The following RAD51C variants were observed in gnomAD, a reference collection of about 807,000 sequenced individuals.
RAD51C encodes RAD51 paralog C.
A neutral mutation model predicts 45.0 loss-of-function variants in RAD51C; 42 were observed. That is an observed-to-expected ratio of 0.93 (90% CI 0.73 to 1.21). The LOEUF is 1.21. RAD51C is among the 50% of genes most tolerant of loss of function. The pLI is 0.00. For synonymous variants in RAD51C, 172 were observed against 159.8 expected (o/e 1.08, Z -0.58); for missense variants, 474 against 452.2 (o/e 1.05, Z -0.44).
intron 1 of RAD51C, chr17:58,693,101 A>G (rs761360740): frequency 1.8e-4 from 64 of 348,872 alleles, no homozygotes; most frequent in Non-Finnish European, 3.1e-4. Flanking sequence ...GAGAGAACTG[A>G]TATCTTGGGG....
chr17:58,720,403 G>A (rs1323749874), intron 5 of RAD51C, among the ~76,000 whole-genome samples: 1 of 148,164 alleles, frequency 6.7e-6, no homozygotes, highest in Non-Finnish European at 1.5e-5. Context: ...GTGACTGAGC[G>A]AGACTCTGTC....
chr17:58,695,383 C>A, intron 2 of RAD51C, 194 bp downstream of exon 2: 1 of 1,344,924 alleles, frequency 7.4e-7, no homozygotes. Context: ...TGCAATTATT[C>A]TGATGTGAAA....
At chr17:58,729,179 G>T (rs1598525428) in intron 7 of RAD51C, among the ~76,000 whole-genome samples, 1 of 152,238 alleles carries the variant, frequency 6.6e-6, no homozygotes, top group Non-Finnish European at 1.5e-5. Flanking sequence ...CATAAAAGTG[G>T]TATTTTTACC....
chr17:58,700,304 TG>T (rs2048168256), intron 3 of RAD51C: 1 of 152,194 alleles, frequency 6.6e-6, no homozygotes, highest in Non-Finnish European at 1.5e-5. Context: ...CCTAAGAGGG[TG>T]GCAGGAAAAG....
intron 5 of RAD51C, 92 bp downstream of exon 5, chr17:58,710,082 C>G: frequency 7.1e-7 from 1 of 1,406,130 alleles, no homozygotes; most frequent in East Asian, 2.3e-5. Flanking sequence ...GTTTGCCTGA[C>G]AAATAATATA....
chr17:58,727,598 TG>T (rs1244013680), intron 7 of RAD51C, among the ~76,000 whole-genome samples: 1 of 152,146 alleles, frequency 6.6e-6, no homozygotes, highest in Non-Finnish European at 1.5e-5. Context: ...TGATAAATAA[TG>T]TACATACTTT....
At chr17:58,720,713 C>A (rs2143929172) in intron 5 of RAD51C, 33 bp from the exon 6 acceptor site, 1 of 1,522,734 alleles carries the variant, frequency 6.6e-7, no homozygotes, top group Non-Finnish European at 9.1e-7. Flanking sequence ...TTCAAAGAGA[C>A]TCACCTAATT....
chr17:58,698,141 A>G (rs1278753701), intron 3 of RAD51C, among the ~76,000 whole-genome samples: 1 of 149,750 alleles, frequency 6.7e-6, no homozygotes, highest in East Asian at 2.0e-4. Flanking sequence ...CCTCCTGAGT[A>G]GCTGGAATTA....
chr17:58,703,225 C>G lies in RAD51C; in HGVS notation c.601C>G (p.Leu201Val), dbSNP rs531838785. The change falls in exon 4 of 9, where the codon CTT (leucine) becomes GTT (valine). Residue 201 changes from leucine to valine, a missense_variant. Leu to Val is a conservative substitution (Grantham distance 32). Transcript: ENST00000337432. ...CCGAAAAGCTTTGGAGGATTTCACT[C>G]TTGATAATATTCTTTCTCATATTTA... ...EHRKALEDFTLDNILSHIYYF... is the reference protein window; with the variant it reads ...EHRKALEDFTVDNILSHIYYF... 4.3e-6 allele frequency: 7 copies of G among 1,610,452 alleles called. No individual in the cohort carries two copies. The highest frequency in any genetic ancestry group is 2.2e-5 in the South Asian group (2 of 90,994).
intron 5 of RAD51C, among the ~76,000 whole-genome samples, chr17:58,712,535 C>A (rs2048594064): frequency 6.6e-6 from 1 of 151,828 alleles, no homozygotes; most frequent in Non-Finnish European, 1.5e-5. Context: ...AAAATGAGGT[C>A]ATAGGCCAGG....
intron 6 of RAD51C, among the ~76,000 whole-genome samples, chr17:58,722,410 A>T (rs1210508397): frequency 6.6e-6 from 1 of 152,184 alleles, no homozygotes; most frequent in Non-Finnish European, 1.5e-5. Context: ...ACATGTGGCT[A>T]TTGAGGCATT....
chr17:58,729,720 C>T (rs147501771), intron 7 of RAD51C, among the ~76,000 whole-genome samples: 95 of 151,742 alleles, frequency 6.3e-4, no homozygotes, highest in African/African-American at 2.2e-3. Context: ...TATAGGCATG[C>T]GCCACCACAC....
chr17:58,727,463 TAAC>T (rs2049211022), intron 7 of RAD51C, among the ~76,000 whole-genome samples: 1 of 152,160 alleles, frequency 6.6e-6, no homozygotes, highest in Admixed American at 6.5e-5. Context: ...TCTTCTATAA[TAAC>T]TGTTTCTAGA....
chr17:58,719,885 C>T (rs901240549), intron 5 of RAD51C, among the ~76,000 whole-genome samples: 5 of 151,224 alleles, frequency 3.3e-5, no homozygotes, highest in African/African-American at 1.2e-4. Context: ...CCCGCCACCA[C>T]GCCCAGCTGA....
chr17:58,717,996 T>C (rs2048796142), intron 5 of RAD51C, among the ~76,000 whole-genome samples: 1 of 152,076 alleles, frequency 6.6e-6, no homozygotes, highest in Non-Finnish European at 1.5e-5. Flanking sequence ...TTTCGCAGTT[T>C]TCTTTTTCTT....
chr17:58,706,558 G>A (rs1473600046), intron 4 of RAD51C: 1 of 462,278 alleles, frequency 2.2e-6, no homozygotes. Context: ...CTCTGCAAGG[G>A]CCCCACCCTC....
At chr17:58,719,779 AG>A (rs959803997) in intron 5 of RAD51C, among the ~76,000 whole-genome samples, 14 of 140,418 alleles carry the variant, frequency 1.0e-4, no homozygotes, top group Non-Finnish European at 2.0e-4. Context: ...CCCAGGCTGG[AG>A]TGCAGTAGCG....
chr17:58,692,595 C>G (rs765425309), upstream of RAD51C: 6 of 1,611,126 alleles, frequency 3.7e-6, no homozygotes, highest in Middle Eastern at 2.0e-4. Flanking sequence ...CACGCCCCAG[C>G]GAGGGCGTGC....
rs1032681872 is a variant in RAD51C, at chr17:58,703,298, T to C, written c.674T>C (p.Leu225Pro). 2 of 1,611,848 alleles carry C rather than the reference T, an allele frequency of 1.2e-6. No individual in the cohort carries two copies. The highest frequency in any genetic ancestry group is 4.5e-5 in the East Asian group (2 of 44,792). The change falls in exon 4 of 9, where the codon CTT becomes CCT. Residue 225 changes from leucine to proline, a missense_variant. Leu to Pro is a moderately conservative substitution (Grantham distance 98, BLOSUM62 -3). Coordinates refer to ENST00000337432, the MANE Select transcript of RAD51C (RefSeq NM_058216.3). ...DYTELLAQVY[L>P]LPDFLSEHSK... The stretch of plus-strand genomic sequence containing the variant: ...ACAGAGTTACTGGCACAAGTTTATC[T>C]TCTTCCAGATTTCCTTTCAGAACAC...
Sources: allele counts gnomAD v4.1 joint callset (sites outside exome capture counted in the v4.1 genomes callset), GRCh38; gene constraint gnomAD v4.1.1; transcripts MANE v1.5; gene names NCBI Gene and HGNC (gene_info 2026-07-23, HGNC 2026-07-21).